MAS1: variants seen among roughly 807,000 people sequenced by gnomAD.
MAS1 encodes the protein proto-oncogene Mas.
For missense variants in MAS1, 387 were observed against 409.7 expected, an observed-to-expected ratio of 0.94 and a Z score of 0.48; for synonymous variants, 163 against 164.2, an observed-to-expected ratio of 0.99 and a Z score of 0.05.
chr6:159,892,069 C>A (rs118069308), intron 1 of MAS1, among the ~76,000 whole-genome samples: 26 of 152,308 alleles, frequency 1.7e-4, no homozygotes, highest in African/African-American at 6.3e-4. Context: ...CACCTTCCCC[C>A]CTTTTAGACC....
intron 2 of MAS1, among the ~76,000 whole-genome samples, chr6:159,906,247 C>G (rs745932498): frequency 8.5e-5 from 13 of 152,204 alleles, no homozygotes; most frequent in Non-Finnish European, 1.9e-4. Flanking sequence ...TGTTAGGGCT[C>G]TCCATCCAGT....
upstream of MAS1, among the ~76,000 whole-genome samples, chr6:159,890,588 A>C (rs1782685306): frequency 6.6e-6 from 1 of 152,232 alleles, no homozygotes; most frequent in Non-Finnish European, 1.5e-5. Context: ...CTGGGTCTAT[A>C]CATAGACTCA....
In MAS1 at chr6:159,916,996, C is replaced by T. The variant is rs1783034819; in HGVS notation, c.*9063C>T. Among the ~76,000 whole-genome samples the T allele has an allele frequency of 6.6e-6, 1 of 152,262 alleles. No individual in the cohort carries two copies. The highest frequency in any genetic ancestry group is 6.5e-5 in the Admixed American group (1 of 15,294). Reference sequence around the variant, plus strand: ...CATTTAAAAATGTAAAAAAACTATTCTCAGCTTGTGGGTTTTACAAAAACA... The same window carrying T: ...CATTTAAAAATGTAAAAAAACTATTTTCAGCTTGTGGGTTTTACAAAAACA... On this transcript the variant is annotated 3_prime_UTR_variant, in exon 3 of 3. Coordinates refer to ENST00000674077, the MANE Select transcript of MAS1 (RefSeq NM_002377.4).
rs1782945730 is a variant in MAS1, at chr6:159,909,903, C to T, written c.*1970C>T. 1 of 152,060 alleles carries T rather than the reference C, an allele frequency of 6.6e-6. No individual in the cohort carries two copies. The highest frequency in any genetic ancestry group is 2.4e-5 in the African/African-American group (1 of 41,380). The allele number at this position is 152,060 out of a possible 1,614,324, so 9.4% of individuals were successfully genotyped here. On this transcript the variant is annotated 3_prime_UTR_variant, in exon 3 of 3. Transcript: ENST00000674077. The stretch of plus-strand genomic sequence containing the variant: ...TAATGAATATAAAAATTATTCTAAC[C>T]TTTTAAAATGATGCCTTACCAAGAG...
At position 159,912,596 on chromosome 6, in the gene MAS1, G is replaced by A. The variant is rs1266811326; in HGVS notation, c.*4663G>A. ...AACATTTGACTGTTTAACTTTGCAA[G>A]GTTATATGGGAAAAAAAATCCTTGA... On this transcript the variant is annotated 3_prime_UTR_variant, in exon 3 of 3. Coordinates refer to ENST00000674077, the MANE Select transcript of MAS1 (RefSeq NM_002377.4). 6.1e-5 allele frequency: 1 copy of A among 16,316 alleles called. No homozygotes were observed. The highest frequency in any genetic ancestry group is 3.1e-4 in the African/African-American group (1 of 3,182). The allele number at this position is 16,316 out of a possible 1,614,324, so 1.0% of individuals were successfully genotyped here. A position where few individuals can be genotyped will look rare whatever the true frequency, so the allele number is the denominator to read the frequency against.
intron 1 of MAS1, among the ~76,000 whole-genome samples, chr6:159,893,178 C>T (rs1178694588): frequency 1.3e-5 from 2 of 152,250 alleles, no homozygotes; most frequent in East Asian, 3.8e-4. Flanking sequence ...ACCATGGTCA[C>T]CCTGGCTTAT....
chr6:159,897,472 G>A (rs960529466), intron 1 of MAS1, among the ~76,000 whole-genome samples: 1 of 152,184 alleles, frequency 6.6e-6, no homozygotes, highest in Admixed American at 6.5e-5. Context: ...GCCTCTGGCT[G>A]CATGACTCCT....
chr6:159,891,911 T>A (rs574365501), intron 1 of MAS1, among the ~76,000 whole-genome samples: 2 of 152,274 alleles, frequency 1.3e-5, no homozygotes, highest in Non-Finnish European at 2.9e-5. Context: ...GGCTGGGTAA[T>A]TCTTTGCCGT....
At chr6:159,905,236 G>A (rs220724) in intron 2 of MAS1, among the ~76,000 whole-genome samples, 42,680 of 152,118 alleles carry the variant, frequency 0.28, 6,675 homozygotes, top group East Asian at 0.66. Flanking sequence ...AAATGTGTGG[G>A]GGGAGAATTT....
chr6:159,905,499 G>C (rs1428304655), intron 2 of MAS1, among the ~76,000 whole-genome samples: 1 of 152,176 alleles, frequency 6.6e-6, no homozygotes, highest in Non-Finnish European at 1.5e-5. Context: ...CCTCCTGGGT[G>C]CCTGGATCAC....
At chr6:159,894,418 C>CAAA (rs5881344) in intron 1 of MAS1, among the ~76,000 whole-genome samples, 25 of 79,110 alleles carry the variant, frequency 3.2e-4, no homozygotes, top group African/African-American at 1.0e-3. Context: ...GACCCTGTCT[C>CAAA]AAAAAAAAAA....
Position 159,903,113 on chromosome 6 carries a change from C to T in MAS1, c.-37+3721C>T, listed in dbSNP as rs113566007. 1.5e-4 allele frequency among the ~76,000 whole-genome samples: 23 copies of T among 152,178 alleles called. 1 individual carries two copies. The highest frequency in any genetic ancestry group is 5.1e-4 in the African/African-American group (21 of 41,508). ...CCCACCTCCTCCTTCCCCTTCAGTG[C>T]CTTTAGTACGGGGACTTCAATGATT... On this transcript the variant is annotated intron_variant, in intron 2 of 2. Coordinates refer to ENST00000674077, the MANE Select transcript of MAS1 (RefSeq NM_002377.4).
chr6:159,897,184 G>GT (rs112119570), intron 1 of MAS1, among the ~76,000 whole-genome samples: 80 of 152,040 alleles, frequency 5.3e-4, no homozygotes, highest in African/African-American at 1.7e-3. Flanking sequence ...GGAGACTGGG[G>GT]TTTTTTTTAA....
chr6:159,890,481 G>T (rs1176747359), upstream of MAS1, among the ~76,000 whole-genome samples: 2 of 152,136 alleles, frequency 1.3e-5, no homozygotes, highest in Non-Finnish European at 2.9e-5. Context: ...CATCCTACGG[G>T]TCTTATATAC....
At chr6:159,900,597 G>T (rs914572536) in intron 2 of MAS1, among the ~76,000 whole-genome samples, 1 of 152,162 alleles carries the variant, frequency 6.6e-6, no homozygotes, top group Non-Finnish European at 1.5e-5. Context: ...AGTTTTAATG[G>T]AATTTTTTAT....
At chr6:159,906,291 C>T (rs1782886502) in intron 2 of MAS1, among the ~76,000 whole-genome samples, 1 of 152,192 alleles carries the variant, frequency 6.6e-6, no homozygotes, top group Admixed American at 6.5e-5. Context: ...CTTACGTAGT[C>T]TGAGCAGGTG....
At chr6:159,893,123 C>A (rs1299881628) in intron 1 of MAS1, among the ~76,000 whole-genome samples, 1 of 152,258 alleles carries the variant, frequency 6.6e-6, no homozygotes, top group East Asian at 1.9e-4. Flanking sequence ...GCCCACAATT[C>A]TTTGAGTTTT....
At position 159,907,608 on chromosome 6, in the gene MAS1, C is replaced by G. The variant is rs752636957; in HGVS notation, c.653C>G (p.Thr218Arg). Reference sequence around the variant, plus strand: ...TTGGTCGTGAAGATCCGGAAGAACACGTGGGCTTCCCATTCCTCCAAGCTT... The same window carrying G: ...TTGGTCGTGAAGATCCGGAAGAACAGGTGGGCTTCCCATTCCTCCAAGCTT... ...TILVVKIRKN[T>R]WASHSSKLYI... is the part of the protein sequence containing the mutation. The change falls in exon 3 of 3, where the codon ACG (threonine) becomes AGG (arginine). Residue 218 changes from threonine to arginine, a missense_variant. Transcript: ENST00000674077. The G allele has an allele frequency of 6.2e-7, 1 of 1,613,894 alleles. No individual in the cohort carries two copies. Among genetic ancestry groups the G allele is most frequent in the South Asian group, 1.1e-5 (1 of 91,048 alleles).
chr6:159,895,963 G>A lies in MAS1; in HGVS notation c.-243-3223G>A, dbSNP rs950979232. Among the ~76,000 whole-genome samples, 11 of 152,154 alleles carry A rather than the reference G, an allele frequency of 7.2e-5. No individual in the cohort carries two copies. In the South Asian group the frequency reaches 8.3e-4, roughly 11 times the overall value. On this transcript the variant is annotated intron_variant, in intron 1 of 2. Coordinates refer to ENST00000674077, the MANE Select transcript of MAS1 (RefSeq NM_002377.4). ...ACGGTGCTTTGTTTTTAAAAATAGC[G>A]GTGAAAAATCAGCAGCAAATGGATA... is the stretch of plus-strand genomic sequence containing the variant.
Sources: gnomAD v4.1 joint callset for allele counts (sites outside exome capture counted in the v4.1 genomes callset) on GRCh38, gnomAD v4.1.1 for gene constraint, MANE v1.5 for transcripts, NCBI Gene and HGNC (gene_info 2026-07-23, HGNC 2026-07-21) for gene names.